The following ERBB4 variants were observed in gnomAD, a reference collection of about 807,000 sequenced individuals.
ERBB4 encodes the protein erb-b2 receptor tyrosine kinase 4.
ERBB4 carries 42 observed loss-of-function variants against 158.0 expected under a neutral mutation model. The ratio of observed to expected loss-of-function variants is 0.27; its 90% confidence interval spans 0.21 to 0.34. The LOEUF is 0.34. ERBB4 is among the 10% of genes least tolerant of loss of function. The pLI is 1.00. For synonymous variants in ERBB4, 583 were observed against 558.7 expected (o/e 1.04, Z -0.61); for missense variants, 1,333 against 1,624.1 (o/e 0.82, Z 3.08).
chr2:211,477,466 A>G (rs550413649), intron 20 of ERBB4, among the ~76,000 whole-genome samples: 2 of 152,270 alleles, frequency 1.3e-5, no homozygotes, highest in Admixed American at 1.3e-4. Context: ...AGGCAAAAAT[A>G]AAATACAGTG....
intron 1 of ERBB4, among the ~76,000 whole-genome samples, chr2:212,326,281 C>A (rs1420130155): frequency 6.6e-6 from 1 of 150,684 alleles, no homozygotes; most frequent in African/African-American, 2.4e-5. Flanking sequence ...TATTTATATT[C>A]GTATCACTGT....
chr2:212,459,788 A>G (rs1688481027), intron 1 of ERBB4, among the ~76,000 whole-genome samples: 1 of 152,220 alleles, frequency 6.6e-6, no homozygotes, highest in African/African-American at 2.4e-5. Flanking sequence ...ATAAATCCAT[A>G]TATTTACAGC....
intron 1 of ERBB4, among the ~76,000 whole-genome samples, chr2:212,516,991 A>T (rs976526400): frequency 6.6e-6 from 1 of 152,116 alleles, no homozygotes; most frequent in Non-Finnish European, 1.5e-5. Flanking sequence ...CTCTTAGTAA[A>T]GGCTTTAATT....
chr2:211,509,074 A>G (rs562897670), intron 20 of ERBB4, among the ~76,000 whole-genome samples: 2 of 152,298 alleles, frequency 1.3e-5, no homozygotes, highest in East Asian at 3.9e-4. Context: ...TCAGCAAACT[A>G]TCACAGGAAC....
chr2:211,846,157 C>T (rs1368393294), intron 3 of ERBB4, among the ~76,000 whole-genome samples: 1 of 151,528 alleles, frequency 6.6e-6, no homozygotes, highest in Non-Finnish European at 1.5e-5. Context: ...TTAGCCATAT[C>T]ACTCACTGTA....
intron 2 of ERBB4, among the ~76,000 whole-genome samples, chr2:212,067,585 C>T (rs1439120731): frequency 6.6e-6 from 1 of 151,960 alleles, no homozygotes; most frequent in South Asian, 2.1e-4. Context: ...AAATCTCATA[C>T]CTGATTCATT....
intron 25 of ERBB4, among the ~76,000 whole-genome samples, chr2:211,411,837 ATG>A (rs2063269063): frequency 6.6e-6 from 1 of 152,224 alleles, no homozygotes; most frequent in Non-Finnish European, 1.5e-5. Flanking sequence ...CTCTAAATAG[ATG>A]AAGGCCAAAA....
chr2:211,982,329 T>C (rs2081823794), intron 2 of ERBB4, among the ~76,000 whole-genome samples: 1 of 152,160 alleles, frequency 6.6e-6, no homozygotes, highest in African/African-American at 2.4e-5. Context: ...AGTGAGTCAG[T>C]GTTTCCTAGA....
At chr2:211,944,930 C>G (rs925965867) in intron 3 of ERBB4, among the ~76,000 whole-genome samples, 2 of 152,056 alleles carry the variant, frequency 1.3e-5, no homozygotes, top group African/African-American at 2.4e-5. Context: ...GACTAATCAG[C>G]AGATTTGCTG....
chr2:212,123,757 C>T (rs1449520276), intron 2 of ERBB4, among the ~76,000 whole-genome samples: 1 of 152,144 alleles, frequency 6.6e-6, no homozygotes, highest in Non-Finnish European at 1.5e-5. Context: ...TTAAATATCA[C>T]TCCTTTTCAC....
At chr2:212,221,796 C>CA (rs1362556380) in intron 1 of ERBB4, among the ~76,000 whole-genome samples, 24 of 151,438 alleles carry the variant, frequency 1.6e-4, no homozygotes, top group Non-Finnish European at 3.6e-4. Context: ...ACAGGAGACC[C>CA]AAATGTGACT....
chr2:212,128,965 C>T (rs2125580945), intron 1 of ERBB4, among the ~76,000 whole-genome samples: 1 of 152,012 alleles, frequency 6.6e-6, no homozygotes, highest in South Asian at 2.1e-4. Flanking sequence ...TTATTGCTCC[C>T]AGTAAATTTA....
At chr2:211,754,579 T>C (rs1400374792) in intron 4 of ERBB4, among the ~76,000 whole-genome samples, 1 of 151,958 alleles carries the variant, frequency 6.6e-6, no homozygotes, top group Non-Finnish European at 1.5e-5. Flanking sequence ...TTTGTATTTT[T>C]TGTATTTTTA....
chr2:211,941,632 C>T (rs1032674594), intron 3 of ERBB4, among the ~76,000 whole-genome samples: 2 of 150,768 alleles, frequency 1.3e-5, no homozygotes, highest in Admixed American at 6.6e-5. Flanking sequence ...TGAGAGTAGA[C>T]AAAGGCCAGC....
chr2:212,233,173 C>T (rs1398691188), intron 1 of ERBB4, among the ~76,000 whole-genome samples: 1 of 152,008 alleles, frequency 6.6e-6, no homozygotes, highest in East Asian at 1.9e-4. Context: ...GATATAATGA[C>T]CATGCTTTAC....
rs539641573 is a variant in ERBB4, at chr2:211,953,034, C to T, written c.235-5418G>A. Among the ~76,000 whole-genome samples the T allele has an allele frequency of 6.6e-5, 10 of 152,036 alleles. 1 individual carries two copies. The South Asian group carries it at 2.1e-3, about 31-fold the overall frequency. ...TACTTTATGTGTGTATATTATGGCC[C>T]TAAATATAGACTCTGGCGCTGAACA... On this transcript the variant is annotated intron_variant, in intron 2 of 27. Transcript: ENST00000342788.
chr2:212,146,209 T>C (rs1434941391), intron 1 of ERBB4, among the ~76,000 whole-genome samples: 1 of 152,244 alleles, frequency 6.6e-6, no homozygotes, highest in Non-Finnish European at 1.5e-5. Context: ...TTCAGTTATA[T>C]GTTTAGATTG....
At chr2:211,645,737 C>T (rs1039795233) in intron 16 of ERBB4, among the ~76,000 whole-genome samples, 9 of 151,640 alleles carry the variant, frequency 5.9e-5, no homozygotes, top group Admixed American at 2.0e-4. Context: ...TGATCTGTTA[C>T]AAATTTATGT....
chr2:212,249,889 G>GTCATATATACATATA (rs2084465899), intron 1 of ERBB4, among the ~76,000 whole-genome samples: 1 of 151,974 alleles, frequency 6.6e-6, no homozygotes, highest in South Asian at 2.1e-4. Flanking sequence ...TATGAATATA[G>GTCATATATACATATA]TAAAGAAGCT....
Sources: allele counts gnomAD v4.1 joint callset (sites outside exome capture counted in the v4.1 genomes callset), GRCh38; gene constraint gnomAD v4.1.1; transcripts MANE v1.5; gene names NCBI Gene and HGNC (gene_info 2026-07-23, HGNC 2026-07-21).